SUFU: variants seen among roughly 807,000 people sequenced by gnomAD.
SUFU encodes the protein SUFU negative regulator of hedgehog signaling.
SUFU carries 7 observed loss-of-function variants against 58.9 expected under a neutral mutation model. That is an observed-to-expected ratio of 0.12 (90% CI 0.07 to 0.22). The LOEUF (loss-of-function observed/expected upper bound fraction) is 0.22, where lower values mean the gene tolerates loss of function less well. Ranked by LOEUF, SUFU falls within the 10% of genes least tolerant of loss-of-function variation. The pLI is 1.00. For synonymous variants in SUFU, 232 were observed against 254.8 expected (o/e 0.91, Z 0.85); for missense variants, 451 against 641.3 (o/e 0.70, Z 3.20).
intron 2 of SUFU, among the ~76,000 whole-genome samples, chr10:102,521,977 G>T (rs2062557189): frequency 6.6e-6 from 1 of 152,178 alleles, no homozygotes; most frequent in African/African-American, 2.4e-5. Context: ...TTCTGTAAAT[G>T]ATTCTATAAA....
rs555836311 is a variant in SUFU, at chr10:102,585,782, A to G, written c.455-6800A>G. Among the ~76,000 whole-genome samples, 509 of 149,922 alleles carry G rather than the reference A, an allele frequency of 3.4e-3. 5 individuals are homozygous for G. Among genetic ancestry groups the G allele is most frequent in the African/African-American group, 0.012 (478 of 40,704 alleles). On this transcript the variant is annotated intron_variant, in intron 3 of 11. Coordinates refer to ENST00000369902, the MANE Select transcript of SUFU (RefSeq NM_016169.4). ...GATCCTCTCACCTTGGCCTCCCAAC[A>G]CTTTGGGAGGCCACTGCACTGGCCT... is the stretch of plus-strand genomic sequence containing the variant.
intron 2 of SUFU, among the ~76,000 whole-genome samples, chr10:102,530,706 G>A (rs914753739): frequency 6.6e-6 from 1 of 151,588 alleles, no homozygotes; most frequent in African/African-American, 2.4e-5. Flanking sequence ...CTACTGCCTC[G>A]GCCTCCCAAA....
chr10:102,567,006 C>CTTTTTTTTTTTT (rs1175563323), intron 3 of SUFU, among the ~76,000 whole-genome samples: 1 of 64,668 alleles, frequency 1.5e-5, no homozygotes, highest in Non-Finnish European at 2.6e-5. Context: ...GAAACAGGCT[C>CTTTTTTTTTTTT]TTTTTTTTTT....
At chr10:102,558,824 TAG>T (rs1190826714) in intron 3 of SUFU, among the ~76,000 whole-genome samples, 1 of 152,240 alleles carries the variant, frequency 6.6e-6, no homozygotes, top group East Asian at 1.9e-4. Context: ...GTCAGATTAT[TAG>T]AGGAGATGTC....
At chr10:102,581,652 C>T (rs1347613350) in intron 3 of SUFU, among the ~76,000 whole-genome samples, 2 of 152,168 alleles carry the variant, frequency 1.3e-5, no homozygotes, top group Non-Finnish European at 2.9e-5. Flanking sequence ...CCACAGGTGT[C>T]GGCTTCATCC....
chr10:102,525,186 C>T (rs932012653), intron 2 of SUFU, among the ~76,000 whole-genome samples: 10 of 151,130 alleles, frequency 6.6e-5, no homozygotes, highest in African/African-American at 2.4e-4. Flanking sequence ...TCTCGGCTCA[C>T]TGCAACCTCC....
At chr10:102,512,957 G>C (rs1176452898) in intron 2 of SUFU, among the ~76,000 whole-genome samples, 2 of 151,842 alleles carry the variant, frequency 1.3e-5, no homozygotes, top group African/African-American at 4.8e-5. Context: ...AGCCCTAGCT[G>C]CTTGGGGGGC....
intron 10 of SUFU, among the ~76,000 whole-genome samples, chr10:102,621,280 A>T (rs1037665526): frequency 1.8e-4 from 28 of 152,068 alleles, no homozygotes; most frequent in African/African-American, 6.3e-4. Flanking sequence ...CTGCCCCGAG[A>T]CCTTGTTGTC....
chr10:102,526,952 G>A (rs566424065), intron 2 of SUFU, among the ~76,000 whole-genome samples: 1 of 150,114 alleles, frequency 6.7e-6, no homozygotes, highest in African/African-American at 2.5e-5. Context: ...TGAAGACAAT[G>A]TAAAGAATGT....
At chr10:102,517,251 G>T (rs1208326891) in intron 2 of SUFU, among the ~76,000 whole-genome samples, 1 of 152,114 alleles carries the variant, frequency 6.6e-6, no homozygotes, top group Non-Finnish European at 1.5e-5. Flanking sequence ...TCTCGCCACT[G>T]CACTCCAGTC....
At chr10:102,589,442 C>CTTTCTTTTTTTTTTTTTTTTT (rs1554851911) in intron 3 of SUFU, among the ~76,000 whole-genome samples, 1 of 65,358 alleles carries the variant, frequency 1.5e-5, no homozygotes. Context: ...TTCTTTCTTT[C>CTTTCTTTTTTTTTTTTTTTTT]TTTTTTTTTT....
chr10:102,510,071 G>A (rs1409829139), intron 2 of SUFU, among the ~76,000 whole-genome samples: 1 of 151,588 alleles, frequency 6.6e-6, no homozygotes, highest in Non-Finnish European at 1.5e-5. Context: ...AAACTCCTGG[G>A]CTTAAGCAGT....
chr10:102,618,153 C>T (rs998045376), intron 10 of SUFU: 10 of 152,824 alleles, frequency 6.5e-5, no homozygotes, highest in African/African-American at 1.9e-4. Context: ...GGGACAGCAT[C>T]CTTTTTTGGC....
chr10:102,624,144 C>G (rs752856815), intron 10 of SUFU, among the ~76,000 whole-genome samples: 13 of 152,166 alleles, frequency 8.5e-5, no homozygotes, highest in Non-Finnish European at 1.8e-4. Flanking sequence ...TTATCATCAC[C>G]ATTCCCATTA....
chr10:102,587,149 T>A (rs989766810), intron 3 of SUFU, among the ~76,000 whole-genome samples: 2 of 152,242 alleles, frequency 1.3e-5, no homozygotes, highest in Admixed American at 1.3e-4. Flanking sequence ...TTGTGAATAA[T>A]GCTGCTGTGA....
chr10:102,533,852 A>G (rs10748825), intron 2 of SUFU, among the ~76,000 whole-genome samples: 52,991 of 152,088 alleles, frequency 0.35, 9,401 homozygotes, highest in African/African-American at 0.39. Context: ...CATTTAAGGT[A>G]GCATATCACA....
chr10:102,613,855 A>C (rs1180986285), intron 8 of SUFU, among the ~76,000 whole-genome samples: 1 of 152,224 alleles, frequency 6.6e-6, no homozygotes, highest in Non-Finnish European at 1.5e-5. Context: ...GGTGGGGAGC[A>C]GGCAGGAGGG....
chr10:102,589,636 G>C (rs752616892), intron 3 of SUFU, among the ~76,000 whole-genome samples: 1 of 151,510 alleles, frequency 6.6e-6, no homozygotes, highest in Non-Finnish European at 1.5e-5. Flanking sequence ...AGTAGAGACA[G>C]GGTTTCACCA....
chr10:102,542,399 G>A lies in SUFU; in HGVS notation c.318-7571G>A, dbSNP rs563194714. 1.5e-4 allele frequency among the ~76,000 whole-genome samples: 22 copies of A among 151,264 alleles called. No homozygotes were observed. In the East Asian group the frequency reaches 4.3e-3, roughly 30 times the overall value. ...GCCCACCTCGGCCTCCCAAAGTGCT[G>A]GGATTACAGATGTGAGCCACTGCGC... On this transcript the variant is annotated intron_variant, in intron 2 of 11. Coordinates refer to ENST00000369902, the MANE Select transcript of SUFU (RefSeq NM_016169.4).
Sources: gnomAD v4.1 joint callset for allele counts (sites outside exome capture counted in the v4.1 genomes callset) on GRCh38, gnomAD v4.1.1 for gene constraint, MANE v1.5 for transcripts, NCBI Gene and HGNC (gene_info 2026-07-23, HGNC 2026-07-21) for gene names.